Variants in PCLO observed in about 807,000 individuals in gnomAD.
The protein encoded by PCLO is piccolo presynaptic cytomatrix protein.
In PCLO, 82 loss-of-function variants were observed where a neutral mutation model predicts 427.5. The observed-to-expected ratio is 0.19, with a 90% confidence interval of 0.16 to 0.23. The LOEUF (loss-of-function observed/expected upper bound fraction) is 0.23, where lower values mean the gene tolerates loss of function less well. PCLO is among the 10% of genes least tolerant of loss of function. The pLI is 1.00. For missense variants in PCLO, 6,239 were observed against 6,115.9 expected (o/e 1.02, Z -0.67); for synonymous variants, 2,357 against 2,155.4 (o/e 1.09, Z -2.59).
At chr7:83,061,379 G>C (rs1247493287) in intron 3 of PCLO, among the ~76,000 whole-genome samples, 1 of 152,108 alleles carries the variant, frequency 6.6e-6, no homozygotes, top group Non-Finnish European at 1.5e-5. Flanking sequence ...CTTTATTAAA[G>C]GTCTACCTGA....
intron 3 of PCLO, among the ~76,000 whole-genome samples, chr7:83,041,580 T>C (rs1039830029): frequency 4.6e-5 from 7 of 152,128 alleles, no homozygotes; most frequent in Non-Finnish European, 1.0e-4. Flanking sequence ...TTTAAAGAAA[T>C]CTAGCAATAG....
At chr7:82,920,192 C>T (rs1794563879) in intron 6 of PCLO, among the ~76,000 whole-genome samples, 1 of 151,426 alleles carries the variant, frequency 6.6e-6, no homozygotes, top group African/African-American at 2.4e-5. Context: ...AATAAGAGTT[C>T]AGAACTCCAA....
At chr7:83,030,502 C>A (rs1788640714) in intron 3 of PCLO, among the ~76,000 whole-genome samples, 1 of 152,130 alleles carries the variant, frequency 6.6e-6, no homozygotes, top group Admixed American at 6.5e-5. Context: ...CAACTCCTAT[C>A]TCTGTAGCCC....
chr7:83,158,337 C>T (rs1399910506), intron 1 of PCLO, among the ~76,000 whole-genome samples: 7 of 151,986 alleles, frequency 4.6e-5, no homozygotes, highest in Admixed American at 4.6e-4. Context: ...TATAGGTACA[C>T]TATTCAGACC....
intron 20 of PCLO, among the ~76,000 whole-genome samples, chr7:82,810,362 G>A (rs1232641727): frequency 6.6e-6 from 1 of 151,520 alleles, no homozygotes; most frequent in Non-Finnish European, 1.5e-5. Context: ...ACATTGAGAG[G>A]CTTTTCTTAG....
chr7:82,841,840 A>G (rs935115799), intron 13 of PCLO, among the ~76,000 whole-genome samples: 3 of 152,126 alleles, frequency 2.0e-5, no homozygotes, highest in Non-Finnish European at 4.4e-5. Flanking sequence ...AGATCTATAC[A>G]GTAATGTTTA....
At chr7:83,038,005 A>ATATAT (rs1788842892) in intron 3 of PCLO, among the ~76,000 whole-genome samples, 1 of 39,806 alleles carries the variant, frequency 2.5e-5, no homozygotes, top group Non-Finnish European at 3.9e-5. Context: ...ATATATATAT[A>ATATAT]TATATATATA....
At chr7:82,876,670 T>C (rs1793381495) in intron 10 of PCLO, among the ~76,000 whole-genome samples, 1 of 152,152 alleles carries the variant, frequency 6.6e-6, no homozygotes, top group Non-Finnish European at 1.5e-5. Context: ...AGAAAAGATA[T>C]GATGTACCAT....
rs1792525377 is a variant in PCLO, at chr7:82,847,165, A to G, written c.13737T>C (p.Ser4579=). The G allele has an allele frequency of 6.3e-7, 1 of 1,599,730 alleles. No individual in the cohort carries two copies. The highest frequency in any genetic ancestry group is 1.7e-5 in the Admixed American group (1 of 59,744). Residue 4579 remains serine (S), a synonymous_variant, in exon 11 of 25, where the codon AGT becomes AGC. Transcript: ENST00000333891. ...GTCTTACACATATTTCTGCTTCCCC[A>G]CTTTGCTGACTAATGATACTCTGAA... ...EEVQSIISQQ[S]GEAEICVRLD... is the part of the protein sequence containing the mutation.
Position 82,956,270 on chromosome 7 carries a change from T to G in PCLO, c.4683A>C (p.Ile1561=). The G allele has an allele frequency of 6.2e-7, 1 of 1,612,446 alleles. No homozygotes were observed. Among genetic ancestry groups the G allele is most frequent in the Non-Finnish European group, 8.5e-7 (1 of 1,179,868 alleles). Residue 1561 remains isoleucine, a synonymous_variant, in exon 5 of 25, where the codon ATA becomes ATC. Coordinates refer to ENST00000333891, the MANE Select transcript of PCLO (RefSeq NM_033026.6). ...EEEDFIRKQI[I]EMSADEDASG... is the part of the protein sequence containing the mutation. Reference sequence around the variant, plus strand: ...AAGCATCTTCATCAGCACTCATTTCTATGATTTGTTTTCGAATGAAGTCCT... The same window carrying G: ...AAGCATCTTCATCAGCACTCATTTCGATGATTTGTTTTCGAATGAAGTCCT...
intron 3 of PCLO, among the ~76,000 whole-genome samples, chr7:83,122,238 TATA>T (rs1791298871): frequency 6.7e-6 from 1 of 150,226 alleles, no homozygotes; most frequent in South Asian, 2.1e-4. Context: ...CTCTAATATC[TATA>T]ATAAGACAAG....
In PCLO at chr7:83,126,810, T is replaced by G. The variant is rs891457927; in HGVS notation, c.3300+7440A>C. 2.0e-5 allele frequency among the ~76,000 whole-genome samples: 3 copies of G among 152,110 alleles called. No homozygotes were observed. In the South Asian group the frequency reaches 6.2e-4, roughly 31 times the overall value. On this transcript the variant is annotated intron_variant, in intron 3 of 24. Transcript: ENST00000333891. ...TGTTGATAAAAACTTATATGATGTT[T>G]ACCCTCAAAATAGGCAGGGAAAGTT...
chr7:82,930,891 T>C (rs573962651), intron 6 of PCLO, among the ~76,000 whole-genome samples: 1 of 152,270 alleles, frequency 6.6e-6, no homozygotes, highest in Admixed American at 6.5e-5. Flanking sequence ...TCAACATAAT[T>C]TCTATGGAAC....
chr7:83,055,927 G>A (rs1052143051), intron 3 of PCLO, among the ~76,000 whole-genome samples: 18 of 152,110 alleles, frequency 1.2e-4, no homozygotes, highest in African/African-American at 4.3e-4. Flanking sequence ...GGTGGGTGCT[G>A]CTATGATCTG....
intron 6 of PCLO, among the ~76,000 whole-genome samples, chr7:82,946,809 A>T (rs1210291480): frequency 6.6e-6 from 1 of 152,242 alleles, no homozygotes; most frequent in Admixed American, 6.5e-5. Context: ...CTGTGCTGCA[A>T]GTAACATAAT....
At position 82,952,328 on chromosome 7, in the gene PCLO, A is replaced by T. The variant is rs1795374343; in HGVS notation, c.8625T>A (p.Pro2875=). ...TCCATCCATTTGTGACACCAACAGG[A>T]GGCACAGTGACAGGTTTTGTAATAG... The part of the protein sequence containing the change: ...TLAITKPVTV[P]PVGVTNGWTD... Residue 2875 remains proline, a synonymous_variant, in exon 5 of 25, where the codon CCT becomes CCA. Transcript: ENST00000333891. 6.2e-7 allele frequency: 1 copy of T among 1,613,968 alleles called. No homozygotes were observed. Among genetic ancestry groups the T allele is most frequent in the Non-Finnish European group, 8.5e-7 (1 of 1,179,844 alleles).
intron 13 of PCLO, among the ~76,000 whole-genome samples, chr7:82,843,538 A>T (rs954141196): frequency 2.6e-5 from 4 of 152,038 alleles, no homozygotes; most frequent in Admixed American, 6.6e-5. Flanking sequence ...GAGTAGATTT[A>T]AAAAAAATTT....
intron 10 of PCLO, among the ~76,000 whole-genome samples, chr7:82,866,610 AATAAAGGAATCTTATTTTCCTT>A (rs1028344647): frequency 1.3e-5 from 2 of 151,568 alleles, no homozygotes; most frequent in African/African-American, 4.8e-5. Flanking sequence ...TTAAGAGAAA[AATAAAGGAATCTTATTTTCCTT>A]CACTACTCTC....
At chr7:82,904,390 C>A (rs955553988) in intron 8 of PCLO, among the ~76,000 whole-genome samples, 5 of 151,662 alleles carry the variant, frequency 3.3e-5, no homozygotes, top group African/African-American at 1.2e-4. Context: ...CCCCTCTTTT[C>A]TTTTCCTAAT....
Sources: allele counts gnomAD v4.1 joint callset (sites outside exome capture counted in the v4.1 genomes callset), GRCh38; gene constraint gnomAD v4.1.1; transcripts MANE v1.5; gene names NCBI Gene and HGNC (gene_info 2026-07-23, HGNC 2026-07-21).